ANXA6: variants seen among roughly 807,000 people sequenced by gnomAD.
ANXA6 encodes the protein annexin A6.
Under a neutral mutation model 95.4 loss-of-function variants are expected in ANXA6, and 71 were observed. The observed-to-expected ratio is 0.74, with a 90% CI of 0.61 to 0.91. ANXA6 has a LOEUF of 0.91. Ranked by LOEUF, ANXA6 falls within the 40% of genes least tolerant of loss-of-function variation. ANXA6 has a pLI of 0.00. For missense variants in ANXA6, 830 were observed against 876.4 expected (o/e 0.95, Z 0.67); for synonymous variants, 289 against 315.9 (o/e 0.91, Z 0.90).
chr5:151,118,622 C>T (rs759051670), intron 18 of ANXA6, among the ~76,000 whole-genome samples: 2 of 152,070 alleles, frequency 1.3e-5, no homozygotes, highest in South Asian at 2.1e-4. Context: ...TTAGTAGAGA[C>T]GGGGTCTCAC....
At chr5:151,101,598 C>G in intron 25 of ANXA6, 91 bp from the exon 26 acceptor site, 3 of 1,120,554 alleles carry the variant, frequency 2.7e-6, no homozygotes, top group Non-Finnish European at 4.0e-6. Context: ...GGACATCTCC[C>G]TCGGCTTCTC....
At position 151,119,330 on chromosome 5, in the gene ANXA6, T is replaced by A. The variant is rs775866756; in HGVS notation, c.1408A>T (p.Ile470Phe). 1.9e-6 allele frequency: 3 copies of A among 1,613,554 alleles called. No homozygotes were observed. The highest frequency in any genetic ancestry group is 2.2e-5 in the South Asian group (2 of 91,054). Reference sequence around the variant, plus strand: ...TTATAGGCCTCATTGATGGCCCGGATTTCAGCATTGGTCCGAGTGGCCAGG... The same window carrying A: ...TTATAGGCCTCATTGATGGCCCGGAATTCAGCATTGGTCCGAGTGGCCAGG... Reference protein sequence around the residue: ...EILATRTNAEIRAINEAYKED... With the variant: ...EILATRTNAEFRAINEAYKED... Residue 470 changes from isoleucine (I) to phenylalanine (F), a missense_variant, in exon 18 of 26, where the codon ATC becomes TTC. Transcript: ENST00000354546.
At chr5:151,153,371 A>T (rs1413866013) in intron 1 of ANXA6, among the ~76,000 whole-genome samples, 1 of 152,178 alleles carries the variant, frequency 6.6e-6, no homozygotes, top group Non-Finnish European at 1.5e-5. Flanking sequence ...ATTTCTAAAA[A>T]CTTTCCTAGG....
chr5:151,141,415 A>T, intron 2 of ANXA6: 1 of 722,524 alleles, frequency 1.4e-6, no homozygotes, highest in African/African-American at 1.9e-5. Flanking sequence ...AGCTTGTAGT[A>T]AATACATTAA....
At chr5:151,114,981 A>G (rs1477456177) in intron 20 of ANXA6, among the ~76,000 whole-genome samples, 3 of 152,116 alleles carry the variant, frequency 2.0e-5, no homozygotes, top group Admixed American at 1.3e-4. Context: ...TTTTATATAC[A>G]TTTTGCTCCC....
At chr5:151,127,453 A>C (rs1247387340) in intron 13 of ANXA6, among the ~76,000 whole-genome samples, 1 of 152,220 alleles carries the variant, frequency 6.6e-6, no homozygotes, top group Non-Finnish European at 1.5e-5. Context: ...CTAGTACTCC[A>C]TAAATGCATG....
At chr5:151,132,355 C>T in intron 10 of ANXA6, 121 bp downstream of exon 10, 1 of 785,300 alleles carries the variant, frequency 1.3e-6, no homozygotes, top group Non-Finnish European at 2.0e-6. Flanking sequence ...TCACGGCCCA[C>T]ATGGTTTTCT....
rs1183758797 is a variant in ANXA6 at position 151,100,995 on chromosome 5, A to G, written c.*453T>C. 1 of 458,346 alleles carries G rather than the reference A, an allele frequency of 2.2e-6. No individual in the cohort carries two copies. Among genetic ancestry groups the G allele is most frequent in the Admixed American group, 2.3e-5 (1 of 42,590 alleles). 28.4% of individuals were successfully genotyped at this position (458,346 alleles called of 1,614,324 possible). A position where few individuals can be genotyped will look rare whatever the true frequency, so the allele number is the denominator to read the frequency against. On this transcript the variant is annotated 3_prime_UTR_variant, in exon 26 of 26. Coordinates refer to ENST00000354546, the MANE Select transcript of ANXA6 (RefSeq NM_001155.5). ...GAGATGGGTGGTGAAATGGATGGGA[A>G]GATTTGTCAGTTTGCCCCAGCACAT...
At chr5:151,136,754 G>A (rs145781409) in intron 6 of ANXA6, among the ~76,000 whole-genome samples, 50 of 152,272 alleles carry the variant, frequency 3.3e-4, no homozygotes, top group Middle Eastern at 3.4e-3. Flanking sequence ...ATCCTGCCCT[G>A]TCCTCTACCT....
At chr5:151,117,901 G>C in intron 18 of ANXA6, 64 bp from the exon 19 acceptor site, 1 of 1,409,636 alleles carries the variant, frequency 7.1e-7, no homozygotes, top group Non-Finnish European at 1.0e-6. Context: ...CGGGGAGGGA[G>C]GTCCAGGAAA....
chr5:151,113,827 A>C (rs1040501053), intron 20 of ANXA6, among the ~76,000 whole-genome samples: 2 of 152,266 alleles, frequency 1.3e-5, no homozygotes, highest in Non-Finnish European at 1.5e-5. Flanking sequence ...ACTTGTACAC[A>C]AATGTTTAGA....
At position 151,124,161 on chromosome 5, in the gene ANXA6, A is replaced by T. The variant is rs1323130012; in HGVS notation, c.1138+125T>A. 9.8e-6 allele frequency: 8 copies of T among 817,070 alleles called. No individual in the cohort carries two copies. The Admixed American group carries it at 1.7e-4, about 18-fold the overall frequency. 50.6% of individuals were successfully genotyped at this position (817,070 alleles called of 1,614,324 possible). A position where few individuals can be genotyped will look rare whatever the true frequency, so the allele number is the denominator to read the frequency against. The stretch of plus-strand genomic sequence containing the variant: ...GGAGCTAGGAGGGTGGAAACTTGAG[A>T]TCAAGCCTTCCTCATCCTGCAGACT... On this transcript the variant is annotated intron_variant, in intron 15 of 25. Transcript: ENST00000354546.
chr5:151,136,369 C>G, intron 6 of ANXA6, 34 bp from the exon 7 acceptor site: 1 of 1,605,718 alleles, frequency 6.2e-7, no homozygotes, highest in Admixed American at 1.7e-5. Context: ...AGTCTCATCC[C>G]CAGAGACCTC....
intron 13 of ANXA6, among the ~76,000 whole-genome samples, chr5:151,127,837 C>T (rs967204648): frequency 6.6e-6 from 1 of 152,184 alleles, no homozygotes; most frequent in African/African-American, 2.4e-5. Flanking sequence ...TGTCCTTTTC[C>T]CATTTAACAG....
intron 12 of ANXA6, among the ~76,000 whole-genome samples, chr5:151,128,930 T>C (rs1481942399): frequency 1.3e-5 from 2 of 150,018 alleles, no homozygotes; most frequent in Non-Finnish European, 3.0e-5. Context: ...CCCCATAAAG[T>C]TTTATTTCAG....
At chr5:151,109,876 G>T in intron 21 of ANXA6, 30 bp from the exon 22 acceptor site, 2 of 1,488,404 alleles carry the variant, frequency 1.3e-6, no homozygotes. Flanking sequence ...GCAAGGATTT[G>T]GGAGGGGAGA....
chr5:151,120,271 A>C (rs935659982), intron 17 of ANXA6, among the ~76,000 whole-genome samples: 11 of 152,156 alleles, frequency 7.2e-5, no homozygotes, highest in Non-Finnish European at 1.6e-4. Context: ...ACAGGGAAGC[A>C]GGGAAACTAT....
At chr5:151,144,543 T>TGTCCC (rs991784885) in intron 2 of ANXA6, among the ~76,000 whole-genome samples, 1 of 152,012 alleles carries the variant, frequency 6.6e-6, no homozygotes, top group Non-Finnish European at 1.5e-5. Context: ...GAGGGAAGCA[T>TGTCCC]GTCCCCAGGA....
chr5:151,101,335 T>TCCCCCCCCCCCCCC lies in ANXA6; in HGVS notation c.*112_*113insGGGGGGGGGGGGGG. The stretch of plus-strand genomic sequence containing the variant: ...GAAGATAAGAGCCCAACCCAACCCC[T>TCCCCCCCCCCCCCC]CCCCCCACCCCTGCCCCTTCCTTAG... On this transcript the variant is annotated 3_prime_UTR_variant, in exon 26 of 26. Coordinates refer to ENST00000354546, the MANE Select transcript of ANXA6 (RefSeq NM_001155.5). 6.5e-6 allele frequency: 1 copy of TCCCCCCCCCCCCCC among 153,036 alleles called. No individual in the cohort carries two copies. Among genetic ancestry groups the TCCCCCCCCCCCCCC allele is most frequent in the Non-Finnish European group, 1.4e-5 (1 of 72,044 alleles). 9.5% of individuals were successfully genotyped at this position (153,036 alleles called of 1,614,324 possible).
Sources: allele counts gnomAD v4.1 joint callset (sites outside exome capture counted in the v4.1 genomes callset), GRCh38; gene constraint gnomAD v4.1.1; transcripts MANE v1.5; gene names NCBI Gene and HGNC (gene_info 2026-07-23, HGNC 2026-07-21).